Variants in PYCR3 observed in about 807,000 individuals in gnomAD.
PYCR3 encodes P5C reductase 3.
A neutral mutation model predicts 23.4 loss-of-function variants in PYCR3; 26 were observed. The ratio of observed to expected loss-of-function variants is 1.11; its 90% CI spans 0.81 to 1.54. The LOEUF is 1.54. Ranked by LOEUF, PYCR3 falls within the 40% of genes most tolerant of loss-of-function variation. PYCR3 has a pLI of 0.00. For missense variants in PYCR3, 360 were observed against 376.3 expected, an observed-to-expected ratio of 0.96 and a Z score of 0.36; for synonymous variants, 194 against 162.6, an observed-to-expected ratio of 1.19 and a Z score of -1.47.
Position 143,604,722 on chromosome 8 carries a change from C to T in PYCR3, c.*978G>A, listed in dbSNP as rs548883109. 1 of 365,504 alleles carries T rather than the reference C, an allele frequency of 2.7e-6. No individual in the cohort carries two copies. Among genetic ancestry groups the T allele is most frequent in the Admixed American group, 3.8e-5 (1 of 26,328 alleles). 22.6% of individuals were successfully genotyped at this position (365,504 alleles called of 1,614,324 possible). On this transcript the variant is annotated 3_prime_UTR_variant, in exon 6 of 6. Transcript: ENST00000495276. ...CACCCAAAGGCCCTAGAACCCTAGC[C>T]TTCAATCCTGGGGGTTTGCTTCTCC...
chr8:143,605,190 G>A lies in PYCR3; in HGVS notation c.*510C>T. Reference sequence around the variant, plus strand: ...TCAGGCCAGGGCCCCTGGCTTTACTGCAGGGGAGAGGGTCTCTTGTGCAGA... The same window carrying A: ...TCAGGCCAGGGCCCCTGGCTTTACTACAGGGGAGAGGGTCTCTTGTGCAGA... On this transcript the variant is annotated 3_prime_UTR_variant, in exon 6 of 6. Coordinates refer to ENST00000495276, the MANE Select transcript of PYCR3 (RefSeq NM_023078.6). 1 of 336,994 alleles carries A rather than the reference G, an allele frequency of 3.0e-6. No homozygotes were observed. The highest frequency in any genetic ancestry group is 5.8e-6 in the Non-Finnish European group (1 of 172,662). The allele number at this position is 336,994 out of a possible 1,614,324, so 20.9% of individuals were successfully genotyped here.
intron 1 of PYCR3, 28 bp downstream of exon 1, chr8:143,609,430 C>A (rs1296223565): frequency 6.7e-7 from 1 of 1,485,508 alleles, no homozygotes. Context: ...CCACTCCAGA[C>A]CGCAGGCCTA....
intron 2 of PYCR3, 125 bp from the exon 3 acceptor site, chr8:143,607,257 C>T: frequency 1.1e-6 from 1 of 915,890 alleles, no homozygotes; most frequent in South Asian, 1.8e-5. Flanking sequence ...TTGCAAGTGT[C>T]TAGACCACCC....
intron 5 of PYCR3, 68 bp downstream of exon 5, chr8:143,605,994 T>G: frequency 5.8e-6 from 9 of 1,561,578 alleles, no homozygotes; most frequent in Admixed American, 3.6e-5. Flanking sequence ...GCCTGCTGTT[T>G]CCCTGCGCAC....
At chr8:143,606,761 TCCA>T (rs909837352) in intron 3 of PYCR3, 82 bp from the exon 4 acceptor site, 3 of 1,431,112 alleles carry the variant, frequency 2.1e-6, no homozygotes, top group Non-Finnish European at 2.8e-6. Flanking sequence ...TCAGGAAAGG[TCCA>T]CGTCAGCTCG....
Position 143,607,075 on chromosome 8 carries a change from C to G in PYCR3, c.214G>C (p.Val72Leu). 2 of 1,612,228 alleles carry G rather than the reference C, an allele frequency of 1.2e-6. No homozygotes were observed. Among genetic ancestry groups the G allele is most frequent in the Non-Finnish European group, 8.5e-7 (1 of 1,179,524 alleles). ...NQEVLQSCLLVIFATKPHVLP... is the reference protein window; with the variant it reads ...NQEVLQSCLLLIFATKPHVLP... ...ACATGAGGCTTGGTGGCAAAGATGA[C>G]GAGCAGGCAGCTCTGCAGCACCTCC... The change falls in exon 3 of 6, where the codon GTC becomes CTC. Residue 72 changes from valine (V) to leucine (L), a missense_variant. Physicochemically the swap from Val to Leu is conservative, Grantham distance 32. Transcript: ENST00000495276.
Position 143,605,420 on chromosome 8 carries a change from C to G in PYCR3, c.*280G>C, listed in dbSNP as rs1352783018. 3 of 498,046 alleles carry G rather than the reference C, an allele frequency of 6.0e-6. No individual in the cohort carries two copies. Among genetic ancestry groups the G allele is most frequent in the Non-Finnish European group, 1.1e-5 (3 of 278,396 alleles). 30.9% of individuals were successfully genotyped at this position (498,046 alleles called of 1,614,324 possible). On this transcript the variant is annotated 3_prime_UTR_variant, in exon 6 of 6. Coordinates refer to ENST00000495276, the MANE Select transcript of PYCR3 (RefSeq NM_023078.6). Reference sequence around the variant, plus strand: ...TGACCAAGACGCCATCTCTTGGGCCCCTCAGAACCAATGTTGCAGCAAGGT... The same window carrying G: ...TGACCAAGACGCCATCTCTTGGGCCGCTCAGAACCAATGTTGCAGCAAGGT...
rs1454442080 is a variant in PYCR3 at position 143,606,102 on chromosome 8, G to C, written c.602C>G (p.Pro201Arg). The C allele has an allele frequency of 3.7e-6, 6 of 1,611,092 alleles. No homozygotes were observed. Among genetic ancestry groups the C allele is most frequent in the Non-Finnish European group, 5.1e-6 (6 of 1,179,294 alleles). ...LAEGAVKMGM[P>R]SSLAHRIAAQ... Reference sequence around the variant, plus strand: ...AGCGATGCGGTGGGCCAGGCTGCTGGGCATGCCCATCTTGACGGCTCCTTC... The same window carrying C: ...AGCGATGCGGTGGGCCAGGCTGCTGCGCATGCCCATCTTGACGGCTCCTTC... Residue 201 changes from proline (P) to arginine (R), a missense_variant, in exon 5 of 6, where the codon CCC becomes CGC. Transcript: ENST00000495276.
At position 143,607,112 on chromosome 8, in the gene PYCR3, C is replaced by G; in HGVS notation, c.177G>C (p.Thr59=). The part of the protein sequence containing the change: ...CHFQALGCRT[T]HSNQEVLQSC... Reference sequence around the variant, plus strand: ...TCTGCAGCACCTCCTGGTTGGAGTGCGTGGTCCGGCAACCCAGAGCCTGCG... The same window carrying G: ...TCTGCAGCACCTCCTGGTTGGAGTGGGTGGTCCGGCAACCCAGAGCCTGCG... The change falls in exon 3 of 6, where the codon ACG becomes ACC. Residue 59 remains threonine, a synonymous_variant. Coordinates refer to ENST00000495276, the MANE Select transcript of PYCR3 (RefSeq NM_023078.6). The G allele has an allele frequency of 6.3e-7, 1 of 1,592,308 alleles. No individual in the cohort carries two copies. The highest frequency in any genetic ancestry group is 8.5e-7 in the Non-Finnish European group (1 of 1,169,596).
At chr8:143,606,364 C>A in intron 4 of PYCR3, 103 bp downstream of exon 4, 1 of 1,323,676 alleles carries the variant, frequency 7.6e-7, no homozygotes, top group Admixed American at 1.8e-5. Flanking sequence ...AGCAACCACG[C>A]AGGCCTCAAG....
rs1829307517 is a variant in PYCR3, at chr8:143,603,542, C to T, written c.*2158G>A. On this transcript the variant is annotated 3_prime_UTR_variant, in exon 6 of 6. Transcript: ENST00000495276. ...AGCTGAGCTCACCTAGTGCCCAGGG[C>T]TTGTCAGAGGTCCCAGGGGGAGACA... 6.6e-6 allele frequency among the ~76,000 whole-genome samples: 1 copy of T among 152,184 alleles called. No individual in the cohort carries two copies. Among genetic ancestry groups the T allele is most frequent in the African/African-American group, 2.4e-5 (1 of 41,432 alleles).
At position 143,609,530 on chromosome 8, in the gene PYCR3, A is replaced by T. The variant is rs897897634; in HGVS notation, c.19T>A (p.Ser7Thr). 19 of 1,512,236 alleles carry T rather than the reference A, an allele frequency of 1.3e-5. No individual in the cohort carries two copies. Among genetic ancestry groups the T allele is most frequent in the Admixed American group, 4.1e-5 (2 of 48,854 alleles). 93.7% of individuals were successfully genotyped at this position (1,512,236 alleles called of 1,614,324 possible). ...CCCACGAAGCCCACGCGCCGCGGAG[A>T]CGGCTCCGCAGCTGCCATCTTGTTG... MAAAEP[S>T]PRRVGFVGAG... Residue 7 changes from serine (S) to threonine (T), a missense_variant, in exon 1 of 6, where the codon TCT (serine) becomes ACT (threonine). Coordinates refer to ENST00000495276, the MANE Select transcript of PYCR3 (RefSeq NM_023078.6).
intron 5 of PYCR3, 36 bp downstream of exon 5, chr8:143,606,026 C>G: frequency 6.3e-6 from 10 of 1,587,058 alleles, no homozygotes; most frequent in Non-Finnish European, 8.6e-6. Context: ...CAGGCCTGGG[C>G]CTTCCCGATG....
intron 1 of PYCR3, chr8:143,608,715 A>T (rs1829465732): frequency 2.5e-6 from 1 of 400,440 alleles, no homozygotes; most frequent in Non-Finnish European, 5.1e-6. Flanking sequence ...AGTGGCAGCC[A>T]AACACACCAG....
chr8:143,608,188 G>A, intron 1 of PYCR3, 62 bp from the exon 2 acceptor site: 1 of 1,372,474 alleles, frequency 7.3e-7, no homozygotes, highest in East Asian at 2.3e-5. Flanking sequence ...GCACGGAGAG[G>A]AGAGGGAGCT....
Position 143,604,391 on chromosome 8 carries a change from A to T in PYCR3, c.*1309T>A, listed in dbSNP as rs992249361. On this transcript the variant is annotated 3_prime_UTR_variant, in exon 6 of 6. Coordinates refer to ENST00000495276, the MANE Select transcript of PYCR3 (RefSeq NM_023078.6). Reference sequence around the variant, plus strand: ...GGCTAGGCTCAGGAGAGTAAGAGAGAGCAGATGAAGGGCAGAAGTCCGTGG... The same window carrying T: ...GGCTAGGCTCAGGAGAGTAAGAGAGTGCAGATGAAGGGCAGAAGTCCGTGG... 16 of 167,356 alleles carry T rather than the reference A, an allele frequency of 9.6e-5. No homozygotes were observed. The highest frequency in any genetic ancestry group is 1.7e-4 in the Non-Finnish European group (13 of 77,960). 10.4% of individuals were successfully genotyped at this position (167,356 alleles called of 1,614,324 possible).
rs1303222120 is a variant in PYCR3 at position 143,604,592 on chromosome 8, C to T, written c.*1108G>A. On this transcript the variant is annotated 3_prime_UTR_variant, in exon 6 of 6. Coordinates refer to ENST00000495276, the MANE Select transcript of PYCR3 (RefSeq NM_023078.6). ...CGCCTCACCTCCAGAGGCTGTTGGG[C>T]GGAAGCCGAGAGCTGCAGCAGTTGG... 8 of 307,318 alleles carry T rather than the reference C, an allele frequency of 2.6e-5. No homozygotes were observed. The highest frequency in any genetic ancestry group is 5.4e-5 in the South Asian group (2 of 37,362). 19.0% of individuals were successfully genotyped at this position (307,318 alleles called of 1,614,324 possible). A position where few individuals can be genotyped will look rare whatever the true frequency, so the allele number is the denominator to read the frequency against.
At position 143,605,925 on chromosome 8, in the gene PYCR3, G is replaced by A. The variant is rs746482810; in HGVS notation, c.643-43C>T. Reference sequence around the variant, plus strand: ...GCCTGGTGACGGGGGGAGGTGGTGCGGTCCCCACTGTGCGGCCTGCCCTCG... The same window carrying A: ...GCCTGGTGACGGGGGGAGGTGGTGCAGTCCCCACTGTGCGGCCTGCCCTCG... On this transcript the variant is annotated intron_variant, in intron 5 of 5. Coordinates refer to ENST00000495276, the MANE Select transcript of PYCR3 (RefSeq NM_023078.6). The A allele has an allele frequency of 2.6e-5, 41 of 1,575,690 alleles. No homozygotes were observed. The South Asian group carries it at 2.7e-4, about 10-fold the overall frequency.
chr8:143,607,795 A>ACATATACACACGTG (rs1554600289), intron 2 of PYCR3, among the ~76,000 whole-genome samples: 1 of 152,096 alleles, frequency 6.6e-6, no homozygotes, highest in African/African-American at 2.4e-5. Context: ...GCATAGCCTC[A>ACATATACACACGTG]CATATACACA....
Sources: allele counts gnomAD v4.1 joint callset (sites outside exome capture counted in the v4.1 genomes callset), GRCh38; gene constraint gnomAD v4.1.1; transcripts MANE v1.5; gene names NCBI Gene and HGNC (gene_info 2026-07-23, HGNC 2026-07-21).